SLC9A9: variants seen among roughly 807,000 people sequenced by gnomAD.
The protein encoded by SLC9A9 is sodium/hydrogen exchanger 9.
A neutral mutation model predicts 77.8 loss-of-function variants in SLC9A9; 62 were observed. The ratio of observed to expected loss-of-function variants is 0.80; its 90% CI spans 0.65 to 0.98. SLC9A9 has a LOEUF of 0.98. Among genes scored for constraint, SLC9A9 ranks in the 50% least tolerant of loss-of-function variants. The pLI is 0.00. For synonymous variants in SLC9A9, 320 were observed against 283.5 expected (o/e 1.13, Z -1.29); for missense variants, 775 against 774.9 (o/e 1.00, Z 0.00).
Position 143,457,078 on chromosome 3 carries a change from G to A in SLC9A9, c.1469+9959C>T, listed in dbSNP as rs373701331. Among the ~76,000 whole-genome samples the A allele has an allele frequency of 2.0e-5, 3 of 152,240 alleles. No individual in the cohort carries two copies. In the South Asian group the frequency reaches 6.2e-4, roughly 32 times the overall value. ...GCTCTGTTGCCAAGGCTGGAGTGCA[G>A]TGGTGTGATCATGGCTCACTGCAGC... On this transcript the variant is annotated intron_variant, in intron 12 of 15. Coordinates refer to ENST00000316549, the MANE Select transcript of SLC9A9 (RefSeq NM_173653.4).
intron 12 of SLC9A9, among the ~76,000 whole-genome samples, chr3:143,399,115 G>A (rs1576471619): frequency 6.6e-6 from 1 of 151,988 alleles, no homozygotes; most frequent in East Asian, 1.9e-4. Flanking sequence ...AGAGAATCAA[G>A]TCAAAAATAC....
chr3:143,578,324 G>A (rs1299640239), intron 7 of SLC9A9, among the ~76,000 whole-genome samples: 2 of 152,164 alleles, frequency 1.3e-5, no homozygotes, highest in Non-Finnish European at 2.9e-5. Flanking sequence ...ATTTAAGGCT[G>A]TTGATGTCCT....
At chr3:143,607,905 T>C (rs189732795) in intron 6 of SLC9A9, among the ~76,000 whole-genome samples, 1 of 152,188 alleles carries the variant, frequency 6.6e-6, no homozygotes, top group Admixed American at 6.5e-5. Context: ...TTTTAACTTA[T>C]ATATGTATAA....
At chr3:143,660,825 G>A (rs2038967239) in intron 5 of SLC9A9, among the ~76,000 whole-genome samples, 1 of 152,192 alleles carries the variant, frequency 6.6e-6, no homozygotes. Flanking sequence ...CAGGAAAGAA[G>A]TAAGTCACTT....
At chr3:143,315,003 G>A (rs1224038752) in intron 14 of SLC9A9, among the ~76,000 whole-genome samples, 3 of 152,144 alleles carry the variant, frequency 2.0e-5, no homozygotes, top group Non-Finnish European at 4.4e-5. Context: ...AATACTGTTT[G>A]GTTTTTGAAA....
At chr3:143,604,369 T>G (rs988790663) in intron 6 of SLC9A9, among the ~76,000 whole-genome samples, 3 of 152,236 alleles carry the variant, frequency 2.0e-5, no homozygotes, top group African/African-American at 7.2e-5. Flanking sequence ...TTTTCTCTTA[T>G]GGAGCTCAAA....
chr3:143,556,719 A>T (rs2036989420), intron 8 of SLC9A9, among the ~76,000 whole-genome samples: 1 of 152,180 alleles, frequency 6.6e-6, no homozygotes, highest in South Asian at 2.1e-4. Flanking sequence ...CAATTTCCTG[A>T]ATTAAACTCT....
chr3:143,474,341 G>A (rs1457581412), intron 11 of SLC9A9, among the ~76,000 whole-genome samples: 1 of 152,100 alleles, frequency 6.6e-6, no homozygotes, highest in South Asian at 2.1e-4. Context: ...CTTTAGGAAG[G>A]TTTTAATGCA....
intron 6 of SLC9A9, among the ~76,000 whole-genome samples, chr3:143,624,957 T>A (rs1393924807): frequency 6.6e-6 from 1 of 152,130 alleles, no homozygotes; most frequent in African/African-American, 2.4e-5. Context: ...ACAAGCATTC[T>A]TATACACCAA....
At chr3:143,592,042 T>C (rs1224555542) in intron 6 of SLC9A9, among the ~76,000 whole-genome samples, 8 of 152,186 alleles carry the variant, frequency 5.3e-5, no homozygotes, top group Non-Finnish European at 1.0e-4. Flanking sequence ...GGAAGAAGAT[T>C]CCTTAAAACT....
rs780092096 is a variant in SLC9A9 at position 143,693,181 on chromosome 3, T to C, written c.649+11A>G. The C allele has an allele frequency of 1.3e-6, 2 of 1,586,168 alleles. No homozygotes were observed. The highest frequency in any genetic ancestry group is 2.2e-5 in the South Asian group (2 of 90,256). On this transcript the variant is annotated intron_variant, in intron 5 of 15. Coordinates refer to ENST00000316549, the MANE Select transcript of SLC9A9 (RefSeq NM_173653.4). ...TCTTAAAAGAAGAAAATATATTATT[T>C]GAGCAATTACCTGGATCTGTAGCAG...
chr3:143,403,397 A>G (rs1038342592), intron 12 of SLC9A9, among the ~76,000 whole-genome samples: 2 of 151,870 alleles, frequency 1.3e-5, no homozygotes, highest in African/African-American at 4.8e-5. Context: ...AGGAGATACA[A>G]TATGTAATTA....
At chr3:143,834,159 G>A (rs2009507553) in intron 1 of SLC9A9, among the ~76,000 whole-genome samples, 1 of 152,122 alleles carries the variant, frequency 6.6e-6, no homozygotes, top group Admixed American at 6.5e-5. Flanking sequence ...TCAGTGTTTG[G>A]CTGACTCCTC....
intron 1 of SLC9A9, among the ~76,000 whole-genome samples, chr3:143,836,562 A>T (rs146901063): frequency 2.3e-3 from 343 of 152,342 alleles, no homozygotes; most frequent in African/African-American, 7.5e-3. Context: ...TATATAGCAC[A>T]TGCATGGCAT....
At chr3:143,757,642 C>A (rs983030153) in intron 4 of SLC9A9, among the ~76,000 whole-genome samples, 25 of 152,148 alleles carry the variant, frequency 1.6e-4, no homozygotes, top group African/African-American at 6.0e-4. Context: ...CCTCTTCCAA[C>A]ATCTCAAACG....
At chr3:143,650,215 T>C (rs1560012358) in intron 6 of SLC9A9, among the ~76,000 whole-genome samples, 1 of 152,104 alleles carries the variant, frequency 6.6e-6, no homozygotes, top group Non-Finnish European at 1.5e-5. Context: ...AAAATGGAGA[T>C]GCAATGTTTG....
intron 9 of SLC9A9, among the ~76,000 whole-genome samples, chr3:143,500,583 C>T (rs2035908197): frequency 6.6e-6 from 1 of 152,122 alleles, no homozygotes; most frequent in Non-Finnish European, 1.5e-5. Context: ...CTGTGTATGA[C>T]ACAGCTTTTC....
At chr3:143,353,837 T>G (rs764124772) in intron 14 of SLC9A9, among the ~76,000 whole-genome samples, 2 of 152,138 alleles carry the variant, frequency 1.3e-5, no homozygotes, top group Non-Finnish European at 1.5e-5. Flanking sequence ...GAATAATTAT[T>G]TTTCTGGGGG....
chr3:143,686,177 C>A (rs1252883958), intron 5 of SLC9A9, among the ~76,000 whole-genome samples: 1 of 152,068 alleles, frequency 6.6e-6, no homozygotes, highest in African/African-American at 2.4e-5. Flanking sequence ...CACACTTTGC[C>A]CTAGCAGTTT....
Sources: gnomAD v4.1 joint callset for allele counts (sites outside exome capture counted in the v4.1 genomes callset) on GRCh38, gnomAD v4.1.1 for gene constraint, MANE v1.5 for transcripts, NCBI Gene and HGNC (gene_info 2026-07-23, HGNC 2026-07-21) for gene names.